The following AEBP2 variants were observed in gnomAD, a reference collection of about 807,000 sequenced individuals.
The protein encoded by AEBP2 is AE binding protein 2.
Under a neutral mutation model 50.8 loss-of-function variants are expected in AEBP2, and 10 were observed. The observed-to-expected ratio is 0.20, with a 90% CI of 0.12 to 0.33. The LOEUF (loss-of-function observed/expected upper bound fraction) is 0.33. Ranked by LOEUF, AEBP2 falls within the 10% of genes least tolerant of loss-of-function variation. AEBP2 has a pLI of 1.00. For missense variants in AEBP2, 570 were observed against 688.0 expected (o/e 0.83, Z 1.92); for synonymous variants, 296 against 261.3 (o/e 1.13, Z -1.28).
intron 5 of AEBP2, among the ~76,000 whole-genome samples, chr12:19,505,005 G>A (rs1042631340): frequency 6.6e-6 from 1 of 152,164 alleles, no homozygotes; most frequent in Admixed American, 6.5e-5. Context: ...ATGAATTTGA[G>A]GAAAGGTGTC....
intron 3 of AEBP2, among the ~76,000 whole-genome samples, chr12:19,490,619 A>G (rs950645629): frequency 1.3e-4 from 20 of 151,710 alleles, no homozygotes; most frequent in Non-Finnish European, 2.5e-4. Context: ...GCTCACTGCA[A>G]CCTCCCTGGC....
In AEBP2 at chr12:19,490,404, CTGAG is replaced by C. The variant is rs542570056; in HGVS notation, c.988-3393_988-3390del. Among the ~76,000 whole-genome samples the C allele has an allele frequency of 5.6e-4, 86 of 152,296 alleles. No homozygotes were observed. The East Asian group carries it at 0.014, about 25-fold the overall frequency. On this transcript the variant is annotated intron_variant, in intron 3 of 7. Transcript: ENST00000266508. Reference sequence around the variant, plus strand: ...TTGAGTATCAGGTTTTTTATCGTGACTGAGTGTCACTCTGTTGCCCAGGCTGGAG... The same window carrying C: ...TTGAGTATCAGGTTTTTTATCGTGACTGTCACTCTGTTGCCCAGGCTGGAG...
In AEBP2 at chr12:19,473,352, C is replaced by A; in HGVS notation, c.984C>A (p.Phe328Leu). Reference sequence around the variant, plus strand: ...TGACACACAGTGGAGACAAACCTTTCAAGGTAAGGATGCATGTATATAAAA... The same window carrying A: ...TGACACACAGTGGAGACAAACCTTTAAAGGTAAGGATGCATGTATATAAAA... ...HMLTHSGDKP[F>L]KCVVGGCNAS... is the part of the protein sequence containing the mutation. The change falls in exon 3 of 8, where the codon TTC (phenylalanine) becomes TTA (leucine). Residue 328 changes from phenylalanine to leucine, a missense_variant. By Grantham distance (22) the Phe-to-Leu change is conservative. This residue lies in a region of AEBP2 where 184 missense variants were observed against 351.2 expected (regional missense o/e 0.52). Coordinates refer to ENST00000266508, the MANE Select transcript of AEBP2 (RefSeq NM_153207.5). The A allele has an allele frequency of 7.2e-7, 1 of 1,390,016 alleles. No homozygotes were observed. The highest frequency in any genetic ancestry group is 9.6e-7 in the Non-Finnish European group (1 of 1,037,972). 86.1% of individuals were successfully genotyped at this position (1,390,016 alleles called of 1,614,324 possible).
chr12:19,504,368 G>T (rs532273596), intron 5 of AEBP2, among the ~76,000 whole-genome samples: 1 of 114,736 alleles, frequency 8.7e-6, no homozygotes, highest in Non-Finnish European at 2.0e-5. Flanking sequence ...CCGAGTAGCT[G>T]GGAATACAGG....
At position 19,520,318 on chromosome 12, in the gene AEBP2, T is replaced by G. The variant is rs1355879614; in HGVS notation, c.*2201T>G. On this transcript the variant is annotated 3_prime_UTR_variant, in exon 8 of 8. Coordinates refer to ENST00000266508, the MANE Select transcript of AEBP2 (RefSeq NM_153207.5). Reference sequence around the variant, plus strand: ...TCTATATAGAGCACAGTAAATAAGTTTTTTCATTGTGTAGAAATACTTAGA... The same window carrying G: ...TCTATATAGAGCACAGTAAATAAGTGTTTTCATTGTGTAGAAATACTTAGA... 2.0e-5 allele frequency: 3 copies of G among 152,170 alleles called. No homozygotes were observed. Among genetic ancestry groups the G allele is most frequent in the African/African-American group, 7.2e-5 (3 of 41,442 alleles). 9.4% of individuals were successfully genotyped at this position (152,170 alleles called of 1,614,324 possible).
chr12:19,439,716 C>T lies in AEBP2; in HGVS notation c.17C>T (p.Thr6Ile), dbSNP rs762856544. The change falls in exon 1 of 8, where the codon ACC (threonine) becomes ATC (isoleucine). Residue 6 changes from threonine to isoleucine, a missense_variant. This residue lies in a region of AEBP2 where 386 missense variants were observed against 336.8 expected (regional missense o/e 1.15). Transcript: ENST00000266508. ...GGCGCCGCCATGGCCGCCGCTATCA[C>T]CGACATGGCCGACCTGGAGGAGCTC... MAAAI[T>I]DMADLEELSR... The T allele has an allele frequency of 4.0e-6, 6 of 1,514,234 alleles. No homozygotes were observed. The South Asian group carries it at 7.2e-5, about 18-fold the overall frequency. 93.8% of individuals were successfully genotyped at this position (1,514,234 alleles called of 1,614,324 possible). A position where few individuals can be genotyped will look rare whatever the true frequency, so the allele number is the denominator to read the frequency against.
At chr12:19,481,092 C>CTT (rs71067027) in intron 3 of AEBP2, among the ~76,000 whole-genome samples, 3,122 of 74,024 alleles carry the variant, frequency 0.042, 864 homozygotes, top group Non-Finnish European at 0.05. Flanking sequence ...GCAGTGCATC[C>CTT]TTTTTTTTTT....
intron 2 of AEBP2, among the ~76,000 whole-genome samples, chr12:19,465,325 C>T (rs1466456827): frequency 3.3e-5 from 5 of 151,890 alleles, no homozygotes; most frequent in African/African-American, 4.8e-5. Flanking sequence ...ACCCGGGAGG[C>T]GGAGGTTGCA....
chr12:19,454,824 A>AT (rs1377220926), intron 1 of AEBP2, among the ~76,000 whole-genome samples: 2 of 152,164 alleles, frequency 1.3e-5, no homozygotes, highest in Non-Finnish European at 2.9e-5. Flanking sequence ...TACAACACAA[A>AT]TGAATTTGCT....
In AEBP2 at chr12:19,413,902, G is replaced by GTT. The variant is rs113571276; in HGVS notation, c.-17+9696_-17+9697dup. Among the ~76,000 whole-genome samples the GTT allele has an allele frequency of 5.6e-3, 806 of 143,512 alleles. 6 individuals are homozygous for GTT. Among genetic ancestry groups the GTT allele is most frequent in the African/African-American group, 0.016 (633 of 39,402 alleles). The allele number at this position is 143,512 out of a possible 152,430, so 94.1% of individuals were successfully genotyped here. On this transcript the variant is annotated intron_variant, in intron 1 of 3. Coordinates refer to the AEBP2 transcript ENST00000538425. Reference sequence around the variant, plus strand: ...TTTTTTTTGTTTGTTTTTGTTTTTTGTTTTTTTTTTTGAGACAGTCTCACT... The same window carrying GTT: ...TTTTTTTTGTTTGTTTTTGTTTTTTGTTTTTTTTTTTTTGAGACAGTCTCACT...
At chr12:19,473,538 TG>T (rs1300289357) in intron 3 of AEBP2, among the ~76,000 whole-genome samples, 183 bp downstream of exon 3, 1 of 152,128 alleles carries the variant, frequency 6.6e-6, no homozygotes, top group Non-Finnish European at 1.5e-5. Flanking sequence ...CCTGAGTAGC[TG>T]GGACTACAGG....
intron 6 of AEBP2, among the ~76,000 whole-genome samples, chr12:19,513,185 T>TA (rs1949262168): frequency 6.6e-6 from 1 of 152,178 alleles, no homozygotes; most frequent in Non-Finnish European, 1.5e-5. Context: ...ATCTTTTATT[T>TA]AAAAAATTTG....
In AEBP2 at chr12:19,512,560, A is replaced by C. The variant is rs1592785464; in HGVS notation, c.1367+95A>C. 4.6e-6 allele frequency: 4 copies of C among 865,590 alleles called. No homozygotes were observed. In the East Asian group the frequency reaches 1.1e-4, roughly 24 times the overall value. 53.6% of individuals were successfully genotyped at this position (865,590 alleles called of 1,614,324 possible). A position where few individuals can be genotyped will look rare whatever the true frequency, so the allele number is the denominator to read the frequency against. On this transcript the variant is annotated intron_variant, in intron 6 of 7. Transcript: ENST00000266508. ...AAATTATTTATTAAATTCAAATAAA[A>C]AGAAATTACATTTTACAACGTTTTG...
intron 3 of AEBP2, among the ~76,000 whole-genome samples, chr12:19,486,235 C>T (rs899225984): frequency 2.0e-5 from 3 of 152,040 alleles, no homozygotes; most frequent in African/African-American, 7.2e-5. Flanking sequence ...ACTCTTGTAT[C>T]TGGCTTTTTG....
chr12:19,491,404 A>C (rs376432129), intron 3 of AEBP2, among the ~76,000 whole-genome samples: 3 of 152,280 alleles, frequency 2.0e-5, no homozygotes, highest in African/African-American at 7.2e-5. Context: ...TGCTTTAGTT[A>C]GGCCTTACTG....
intron 5 of AEBP2, among the ~76,000 whole-genome samples, chr12:19,511,864 T>C (rs1440628931): frequency 6.6e-6 from 1 of 152,010 alleles, no homozygotes; most frequent in Non-Finnish European, 1.5e-5. Context: ...CTATAGGTGG[T>C]ATGACACAAA....
intron 3 of AEBP2, among the ~76,000 whole-genome samples, chr12:19,484,577 G>T (rs1377028468): frequency 1.3e-5 from 2 of 151,994 alleles, no homozygotes; most frequent in Non-Finnish European, 2.9e-5. Flanking sequence ...GTTTCACCAT[G>T]TTGGCCAGGA....
upstream of AEBP2, among the ~76,000 whole-genome samples, chr12:19,437,775 T>C (rs1947875774): frequency 1.3e-5 from 2 of 152,236 alleles, no homozygotes; most frequent in African/African-American, 4.8e-5. Flanking sequence ...TATCTGTAAA[T>C]GATGTCCCAT....
At chr12:19,441,144 C>T (rs1310718761) in intron 1 of AEBP2, among the ~76,000 whole-genome samples, 1 of 152,090 alleles carries the variant, frequency 6.6e-6, no homozygotes, top group African/African-American at 2.4e-5. Context: ...AATGTTTCAA[C>T]ATGAGAGTCA....
Sources: gnomAD v4.1 joint callset for allele counts (sites outside exome capture counted in the v4.1 genomes callset) on GRCh38, gnomAD v4.1.1 for gene constraint, gnomAD v4.1.1 regional missense constraint, MANE v1.5 for transcripts, NCBI Gene and HGNC (gene_info 2026-07-23, HGNC 2026-07-21) for gene names.